The following RBFOX1 variants were observed in gnomAD, a reference collection of about 807,000 sequenced individuals.
RBFOX1 encodes the protein RNA binding fox-1 homolog 1.
Under a neutral mutation model 57.7 loss-of-function variants are expected in RBFOX1, and 8 were observed. The observed-to-expected ratio is 0.14, with a 90% CI of 0.08 to 0.25. The LOEUF (loss-of-function observed/expected upper bound fraction) is 0.25, where lower values mean the gene tolerates loss of function less well. Among genes scored for constraint, RBFOX1 ranks in the 10% least tolerant of loss-of-function variants. RBFOX1 has a pLI of 1.00. For missense variants in RBFOX1, 611 were observed against 548.5 expected, an observed-to-expected ratio of 1.11 and a Z score of -1.14; for synonymous variants, 326 against 222.4, an observed-to-expected ratio of 1.47 and a Z score of -4.15.
rs141966342 is a variant in RBFOX1 at position 5,747,126 on chromosome 16, C to T, written c.319-120177C>T. 2.2e-4 allele frequency among the ~76,000 whole-genome samples: 34 copies of T among 152,282 alleles called. No individual in the cohort carries two copies. The East Asian group carries it at 4.2e-3, about 19-fold the overall frequency. On this transcript the variant is annotated intron_variant, in intron 3 of 19. Coordinates refer to the RBFOX1 transcript ENST00000641259. ...TGAATTTTGTCCAAGGCCTTTTCTG[C>T]ATCTATTGAGATAATCATGTGGTTT... is the stretch of plus-strand genomic sequence containing the variant.
chr16:5,749,703 G>C (rs189948878), intron 3 of RBFOX1, among the ~76,000 whole-genome samples: 29 of 152,304 alleles, frequency 1.9e-4, no homozygotes, highest in Admixed American at 1.6e-3. Flanking sequence ...TTGTGCCATG[G>C]TTTTCAGTTC....
chr16:7,347,076 T>C (rs2097024958), intron 4 of RBFOX1, among the ~76,000 whole-genome samples: 1 of 152,132 alleles, frequency 6.6e-6, no homozygotes, highest in Admixed American at 6.5e-5. Flanking sequence ...TATGGACATA[T>C]TTTGCAGGCA....
intron 4 of RBFOX1, among the ~76,000 whole-genome samples, chr16:5,941,901 G>A (rs1408537223): frequency 1.3e-5 from 2 of 151,602 alleles, no homozygotes; most frequent in Non-Finnish European, 2.9e-5. Context: ...GAAAAATAAG[G>A]AAATGTACCT....
At chr16:7,130,501 C>A (rs1024265158) in intron 4 of RBFOX1, among the ~76,000 whole-genome samples, 3 of 152,106 alleles carry the variant, frequency 2.0e-5, no homozygotes, top group Non-Finnish European at 4.4e-5. Context: ...TACTCTAATG[C>A]CTAACACAGA....
chr16:7,205,151 G>A (rs1296991058), intron 4 of RBFOX1, among the ~76,000 whole-genome samples: 1 of 152,080 alleles, frequency 6.6e-6, no homozygotes, highest in Admixed American at 6.6e-5. Flanking sequence ...TAGAGGCTGA[G>A]AGACCAAGAA....
chr16:5,944,848 A>G (rs1383837527), intron 4 of RBFOX1, among the ~76,000 whole-genome samples: 2 of 144,422 alleles, frequency 1.4e-5, no homozygotes, highest in Non-Finnish European at 3.0e-5. Context: ...AGTCCCAGCT[A>G]CTCAGGAGGC....
At chr16:6,619,255 C>G (rs1426787642) in intron 2 of RBFOX1, among the ~76,000 whole-genome samples, 1 of 152,092 alleles carries the variant, frequency 6.6e-6, no homozygotes, top group Admixed American at 6.6e-5. Flanking sequence ...TGTTGCCAAA[C>G]AACTCTAATA....
At chr16:6,453,860 G>C (rs77540796) in intron 2 of RBFOX1, among the ~76,000 whole-genome samples, 1 of 152,314 alleles carries the variant, frequency 6.6e-6, no homozygotes, top group African/African-American at 2.4e-5. Flanking sequence ...TGGATGGCAC[G>C]GATATGTGAG....
At chr16:7,272,333 C>T (rs1173618774) in intron 4 of RBFOX1, among the ~76,000 whole-genome samples, 7 of 150,548 alleles carry the variant, frequency 4.6e-5, no homozygotes, top group African/African-American at 1.7e-4. Context: ...TACAGGCGCC[C>T]ACCACTACAC....
At chr16:7,582,686 C>T (rs191694954) in intron 6 of RBFOX1, among the ~76,000 whole-genome samples, 2 of 152,320 alleles carry the variant, frequency 1.3e-5, no homozygotes, top group East Asian at 1.9e-4. Flanking sequence ...TTCGGTACTT[C>T]TCACGTTATT....
intron 5 of RBFOX1, among the ~76,000 whole-genome samples, chr16:7,542,357 C>T (rs1016207924): frequency 6.6e-6 from 1 of 152,176 alleles, no homozygotes; most frequent in African/African-American, 2.4e-5. Flanking sequence ...CCCGTAACTT[C>T]CTCTTGACTT....
chr16:5,573,824 T>G (rs975049762), intron 2 of RBFOX1, among the ~76,000 whole-genome samples: 8 of 152,034 alleles, frequency 5.3e-5, no homozygotes, highest in African/African-American at 1.9e-4. Flanking sequence ...TGTGGTGGCG[T>G]GTGCCTGTAG....
chr16:7,410,350 C>A (rs2098411337), intron 4 of RBFOX1, among the ~76,000 whole-genome samples: 1 of 152,202 alleles, frequency 6.6e-6, no homozygotes, highest in Non-Finnish European at 1.5e-5. Context: ...CCCAATGACA[C>A]TAAATGGCAA....
chr16:6,570,615 T>C (rs1199260595), intron 2 of RBFOX1, among the ~76,000 whole-genome samples: 1 of 152,202 alleles, frequency 6.6e-6, no homozygotes, highest in Non-Finnish European at 1.5e-5. Flanking sequence ...CTAGCTTTTT[T>C]TAACAGCATA....
intron 3 of RBFOX1, among the ~76,000 whole-genome samples, chr16:6,989,134 G>T (rs2090964460): frequency 1.3e-5 from 2 of 152,088 alleles, no homozygotes; most frequent in Admixed American, 1.3e-4. Context: ...GACCTCAAGT[G>T]ATCTGCCCGC....
At chr16:6,877,458 T>A (rs1408794990) in intron 3 of RBFOX1, among the ~76,000 whole-genome samples, 1 of 152,138 alleles carries the variant, frequency 6.6e-6, no homozygotes, top group Non-Finnish European at 1.5e-5. Flanking sequence ...TGGGGAAGCT[T>A]GACTTCTGCT....
chr16:5,480,657 C>T (rs769430316), intron 2 of RBFOX1, among the ~76,000 whole-genome samples: 2 of 152,180 alleles, frequency 1.3e-5, no homozygotes, highest in Non-Finnish European at 2.9e-5. Context: ...TGAGTGTGCA[C>T]ATGTAGCCTT....
chr16:6,326,910 G>A (rs1257478615), intron 2 of RBFOX1, among the ~76,000 whole-genome samples: 3 of 152,168 alleles, frequency 2.0e-5, no homozygotes, highest in Non-Finnish European at 4.4e-5. Flanking sequence ...TGTCTTGCAT[G>A]CAAAGCTGGG....
At chr16:6,524,976 C>T (rs139435040) in intron 2 of RBFOX1, among the ~76,000 whole-genome samples, 1 of 152,146 alleles carries the variant, frequency 6.6e-6, no homozygotes, top group Non-Finnish European at 1.5e-5. Flanking sequence ...AAGGTCACTT[C>T]TGAGTATCTG....
Sources: gnomAD v4.1 joint callset for allele counts (sites outside exome capture counted in the v4.1 genomes callset) on GRCh38, gnomAD v4.1.1 for gene constraint, MANE v1.5 for transcripts, NCBI Gene and HGNC (gene_info 2026-07-23, HGNC 2026-07-21) for gene names.